Variants in CRIM1 observed in about 807,000 individuals in gnomAD.
The protein encoded by CRIM1 is cysteine rich transmembrane BMP regulator 1.
In CRIM1, 32 loss-of-function variants were observed where a neutral mutation model predicts 116.4. That is an observed-to-expected ratio of 0.27 (90% CI 0.21 to 0.37). CRIM1 has a LOEUF of 0.37. CRIM1 is among the 10% of genes least tolerant of loss of function. CRIM1 has a pLI of 1.00. For missense variants in CRIM1, 1,331 were observed against 1,354.8 expected (o/e 0.98, Z 0.28); for synonymous variants, 590 against 509.2 (o/e 1.16, Z -2.13).
intron 8 of CRIM1, among the ~76,000 whole-genome samples, chr2:36,506,627 G>T (rs1280172544): frequency 6.6e-6 from 1 of 152,060 alleles, no homozygotes; most frequent in Non-Finnish European, 1.5e-5. Flanking sequence ...ATGCTGTACA[G>T]GCCCTGTACT....
At chr2:36,479,821 A>G in intron 7 of CRIM1, 127 bp downstream of exon 7, 3 of 867,894 alleles carry the variant, frequency 3.5e-6, no homozygotes, top group South Asian at 1.6e-5. Flanking sequence ...ACCAGTTGCC[A>G]ACAAATTTAT....
intron 13 of CRIM1, 24 bp downstream of exon 13, chr2:36,522,337 C>T (rs777035495): frequency 1.9e-6 from 3 of 1,538,912 alleles, no homozygotes; most frequent in Middle Eastern, 1.7e-4. Flanking sequence ...AAAAAAAATC[C>T]CTCATCTCTA....
At chr2:36,445,364 A>C (rs953021246) in intron 4 of CRIM1, among the ~76,000 whole-genome samples, 4 of 151,984 alleles carry the variant, frequency 2.6e-5, no homozygotes, top group African/African-American at 9.7e-5. Flanking sequence ...TTCACTCTCC[A>C]TTCCATCTCT....
chr2:36,509,909 G>A, intron 8 of CRIM1, 74 bp from the exon 9 acceptor site: 1 of 1,343,766 alleles, frequency 7.4e-7, no homozygotes, highest in African/African-American at 1.4e-5. Context: ...AGGATTCAGG[G>A]ACCGTATTTC....
At chr2:36,430,057 A>T (rs939935760) in intron 2 of CRIM1, among the ~76,000 whole-genome samples, 2 of 152,232 alleles carry the variant, frequency 1.3e-5, no homozygotes, top group African/African-American at 2.4e-5. Context: ...ATCTAGCCTT[A>T]GGCTTCCATT....
intron 2 of CRIM1, among the ~76,000 whole-genome samples, chr2:36,435,925 CT>C (rs11344634): frequency 0.8 from 114,713 of 144,190 alleles, 45,834 homozygotes; most frequent in East Asian, 0.98. Flanking sequence ...TCTGGGCAGG[CT>C]TTTTTTTTTT....
At position 36,517,562 on chromosome 2, in the gene CRIM1, G is replaced by A; in HGVS notation, c.2206+20G>A. 3 of 1,598,530 alleles carry A rather than the reference G, an allele frequency of 1.9e-6. No homozygotes were observed. Among genetic ancestry groups the A allele is most frequent in the Non-Finnish European group, 2.6e-6 (3 of 1,168,288 alleles). On this transcript the variant is annotated intron_variant, in intron 12 of 16. Transcript: ENST00000280527. ...GTACAGGTAAGCGACACCATGCCTTGTGGGTGCTTGGTGGGGAAGGATGCA... is the reference window on the plus strand; with the variant it reads ...GTACAGGTAAGCGACACCATGCCTTATGGGTGCTTGGTGGGGAAGGATGCA...
At chr2:36,393,908 G>A (rs1671815919) in intron 1 of CRIM1, among the ~76,000 whole-genome samples, 1 of 152,224 alleles carries the variant, frequency 6.6e-6, no homozygotes, top group Non-Finnish European at 1.5e-5. Flanking sequence ...ATATTCAGCA[G>A]TAAGAAGCTG....
chr2:36,357,872 G>A (rs1668959093), intron 1 of CRIM1, among the ~76,000 whole-genome samples: 1 of 152,156 alleles, frequency 6.6e-6, no homozygotes, highest in Non-Finnish European at 1.5e-5. Context: ...TTAGTATGCT[G>A]GGATACTGAA....
intron 8 of CRIM1, among the ~76,000 whole-genome samples, chr2:36,501,875 C>T (rs1371171742): frequency 6.6e-6 from 1 of 152,164 alleles, no homozygotes; most frequent in Non-Finnish European, 1.5e-5. Flanking sequence ...TTTTATACCT[C>T]CCTTTAGAAA....
chr2:36,377,188 G>C (rs554054061), intron 1 of CRIM1, among the ~76,000 whole-genome samples: 1 of 152,296 alleles, frequency 6.6e-6, no homozygotes, highest in South Asian at 2.1e-4. Flanking sequence ...TGGTGGCGCT[G>C]GTCTCACTCC....
At chr2:36,400,656 AG>A (rs1456979773) in intron 2 of CRIM1, among the ~76,000 whole-genome samples, 1 of 152,196 alleles carries the variant, frequency 6.6e-6, no homozygotes, top group African/African-American at 2.4e-5. Context: ...GAAGACTTCA[AG>A]GGAAAAAGAG....
chr2:36,507,340 G>A (rs1681502716), intron 8 of CRIM1, among the ~76,000 whole-genome samples: 1 of 152,168 alleles, frequency 6.6e-6, no homozygotes, highest in African/African-American at 2.4e-5. Flanking sequence ...AATGTTATCA[G>A]AGTAAGTTAT....
At chr2:36,415,151 G>T (rs917934267) in intron 2 of CRIM1, among the ~76,000 whole-genome samples, 2 of 152,128 alleles carry the variant, frequency 1.3e-5, no homozygotes, top group African/African-American at 4.8e-5. Flanking sequence ...TGGGGGTGAG[G>T]TTGGGGGTAG....
At position 36,463,658 on chromosome 2, in the gene CRIM1, C is replaced by G. The variant is rs549268398; in HGVS notation, c.870-876C>G. On this transcript the variant is annotated intron_variant, in intron 4 of 16. Coordinates refer to ENST00000280527, the MANE Select transcript of CRIM1 (RefSeq NM_016441.3). Reference sequence around the variant, plus strand: ...CCTAAGTTTCCTGTGTCCTGCCTCTCTTTCATTGTAGCAGATGCAACATTT... The same window carrying G: ...CCTAAGTTTCCTGTGTCCTGCCTCTGTTTCATTGTAGCAGATGCAACATTT... 4.7e-4 allele frequency among the ~76,000 whole-genome samples: 72 copies of G among 152,310 alleles called. 2 individuals carry two copies. The South Asian group carries it at 6.4e-3, about 14-fold the overall frequency.
intron 13 of CRIM1, among the ~76,000 whole-genome samples, chr2:36,529,846 C>A (rs546496818): frequency 1.3e-5 from 2 of 152,246 alleles, no homozygotes; most frequent in Admixed American, 1.3e-4. Flanking sequence ...TTATAAATTA[C>A]TTGCACTTCC....
Position 36,550,266 on chromosome 2 carries a change from G to GAAAC in CRIM1, c.*1568_*1571dup, listed in dbSNP as rs1287299962. ...TTTTTTTTTTTTCAAACAATGGTTT[G>GAAAC]AAACAACTACTGGAATATTGTCCAC... On this transcript the variant is annotated 3_prime_UTR_variant, in exon 17 of 17. Coordinates refer to ENST00000280527, the MANE Select transcript of CRIM1 (RefSeq NM_016441.3). 2.1e-5 allele frequency: 3 copies of GAAAC among 140,582 alleles called. No homozygotes were observed. The highest frequency in any genetic ancestry group is 5.3e-5 in the African/African-American group (2 of 37,524). The allele number at this position is 140,582 out of a possible 1,614,324, so 8.7% of individuals were successfully genotyped here. A position where few individuals can be genotyped will look rare whatever the true frequency, so the allele number is the denominator to read the frequency against.
chr2:36,485,243 C>T (rs949373537), intron 7 of CRIM1, among the ~76,000 whole-genome samples: 1 of 152,156 alleles, frequency 6.6e-6, no homozygotes, highest in South Asian at 2.1e-4. Context: ...CTTCCTGCCA[C>T]CTGGCTTTCT....
At chr2:36,510,758 C>T (rs1664614338) in intron 9 of CRIM1, among the ~76,000 whole-genome samples, 1 of 152,084 alleles carries the variant, frequency 6.6e-6, no homozygotes, top group Non-Finnish European at 1.5e-5. Context: ...ATAGACACTT[C>T]ATATTTGTTT....
Sources: allele counts gnomAD v4.1 joint callset (sites outside exome capture counted in the v4.1 genomes callset), GRCh38; gene constraint gnomAD v4.1.1; transcripts MANE v1.5; gene names NCBI Gene and HGNC (gene_info 2026-07-23, HGNC 2026-07-21).